The following ANKFN1 variants were observed in gnomAD, a reference collection of about 807,000 sequenced individuals.
The protein encoded by ANKFN1 is ankyrin repeat and fibronectin type-III domain-containing protein 1.
ANKFN1 carries 74 observed loss-of-function variants against 108.7 expected under a neutral mutation model. The observed-to-expected ratio is 0.68, with a 90% CI of 0.56 to 0.83. The LOEUF is 0.83. ANKFN1 is among the 40% of genes least tolerant of loss of function. The pLI is 0.00. For missense variants in ANKFN1, 1,505 were observed against 1,382.3 expected (o/e 1.09, Z -1.41); for synonymous variants, 547 against 516.2 (o/e 1.06, Z -0.81).
intron 3 of ANKFN1, among the ~76,000 whole-genome samples, chr17:56,316,150 C>T (rs9907434): frequency 0.64 from 96,999 of 152,050 alleles, 32,255 homozygotes; most frequent in East Asian, 0.94. Context: ...TTACAGTCAA[C>T]GTTTAACTGA....
chr17:56,395,063 C>T (rs1205555159), intron 8 of ANKFN1, among the ~76,000 whole-genome samples: 3 of 152,064 alleles, frequency 2.0e-5, no homozygotes, highest in Non-Finnish European at 4.4e-5. Flanking sequence ...TGGAAGGTGT[C>T]CCTTTGTGTT....
At position 56,310,886 on chromosome 17, in the gene ANKFN1, G is replaced by A. The variant is rs761027145; in HGVS notation, c.54-15335G>A. On this transcript the variant is annotated intron_variant, in intron 3 of 20. Coordinates refer to ENST00000682825, the MANE Select transcript of ANKFN1 (RefSeq NM_001370326.1). ...CTAGAACTTATTCAGCCTGTGTAAC[G>A]GAAATTTTGTAACCATTGACCAACG... Among the ~76,000 whole-genome samples the A allele has an allele frequency of 6.6e-5, 10 of 152,014 alleles. No individual in the cohort carries two copies. In the South Asian group the frequency reaches 1.0e-3, roughly 16 times the overall value.
chr17:56,446,439 T>TAA (rs917944921), intron 10 of ANKFN1, among the ~76,000 whole-genome samples: 3 of 152,206 alleles, frequency 2.0e-5, no homozygotes, highest in African/African-American at 7.2e-5. Context: ...CTGGGGGTGC[T>TAA]AAAAATGATC....
chr17:56,137,194 T>C lies in ANKFN1; in HGVS notation c.289-90723T>C, dbSNP rs73325676. 2.2e-3 allele frequency among the ~76,000 whole-genome samples: 338 copies of C among 152,250 alleles called. 1 individual carries two copies. The highest frequency in any genetic ancestry group is 7.9e-3 in the African/African-American group (329 of 41,558). On this transcript the variant is annotated intron_variant, in intron 4 of 12. Coordinates refer to the ANKFN1 transcript ENST00000635860. The stretch of plus-strand genomic sequence containing the variant: ...ATAATGGGGGAAAAAGTGAAAATCA[T>C]AGGGGATTGAAAGGGAATGAGTTTC...
chr17:56,143,696 G>A (rs1432608034), intron 4 of ANKFN1, among the ~76,000 whole-genome samples: 1 of 152,122 alleles, frequency 6.6e-6, no homozygotes, highest in East Asian at 1.9e-4. Context: ...GTTTAGCATG[G>A]GCTATAAATC....
rs555096984 is a variant in ANKFN1, at chr17:56,196,560, C to A, written c.-70-16038C>A. ...ACCAGTCTGGGAAACATAATGAGACCCCTGTCACTACAAAATTTTTAAAAA... is the reference window on the plus strand; with the variant it reads ...ACCAGTCTGGGAAACATAATGAGACACCTGTCACTACAAAATTTTTAAAAA... On this transcript the variant is annotated intron_variant, in intron 1 of 20. Coordinates refer to ENST00000682825, the MANE Select transcript of ANKFN1 (RefSeq NM_001370326.1). Among the ~76,000 whole-genome samples, 9 of 152,084 alleles carry A rather than the reference C, an allele frequency of 5.9e-5. No homozygotes were observed. In the East Asian group the frequency reaches 1.4e-3, roughly 23 times the overall value.
intron 4 of ANKFN1, among the ~76,000 whole-genome samples, chr17:56,337,997 T>C (rs1280339782): frequency 6.6e-6 from 1 of 152,136 alleles, no homozygotes; most frequent in African/African-American, 2.4e-5. Flanking sequence ...TAAAGGCACG[T>C]GCACACGTAT....
intron 11 of ANKFN1, among the ~76,000 whole-genome samples, chr17:56,451,554 A>C (rs2049488225): frequency 6.6e-6 from 1 of 152,198 alleles, no homozygotes; most frequent in African/African-American, 2.4e-5. Context: ...AATTAGAAAA[A>C]GTAATATTTC....
intron 8 of ANKFN1, among the ~76,000 whole-genome samples, chr17:56,426,477 G>A (rs1387155430): frequency 1.3e-5 from 2 of 152,190 alleles, no homozygotes; most frequent in African/African-American, 4.8e-5. Context: ...CAGTTAAGCA[G>A]ATGAGCTGGA....
intron 4 of ANKFN1, among the ~76,000 whole-genome samples, chr17:56,094,734 A>C (rs62075429): frequency 0.13 from 18,048 of 139,608 alleles, 1,777 homozygotes; most frequent in Admixed American, 0.26. Flanking sequence ...GTTGGCCAGG[A>C]TGGTCTTGAT....
chr17:56,167,316 C>CATATATATATATATAT (rs1469508922), intron 1 of ANKFN1, among the ~76,000 whole-genome samples: 4 of 75,748 alleles, frequency 5.3e-5, no homozygotes, highest in African/African-American at 2.3e-4. Context: ...CACACACACA[C>CATATATATATATATAT]ACATATATAT....
intron 14 of ANKFN1, among the ~76,000 whole-genome samples, chr17:56,462,367 G>A (rs1052508898): frequency 6.6e-6 from 1 of 152,188 alleles, no homozygotes; most frequent in African/African-American, 2.4e-5. Context: ...GGCCAAGGCG[G>A]GCAGATCACC....
chr17:56,151,370 G>T (rs1479780555), upstream of ANKFN1, among the ~76,000 whole-genome samples: 2 of 152,166 alleles, frequency 1.3e-5, no homozygotes, highest in Non-Finnish European at 2.9e-5. Flanking sequence ...ATTCCCAAAT[G>T]ATATGAATGT....
chr17:56,368,301 A>G (rs2046717885), intron 6 of ANKFN1: 1 of 52,128 alleles, frequency 1.9e-5, no homozygotes, highest in Non-Finnish European at 2.9e-5. Flanking sequence ...TTTTTTTGAG[A>G]AGGAGTCTCG....
At chr17:56,495,083 TA>T (rs780782219) in intron 19 of ANKFN1, among the ~76,000 whole-genome samples, 2 of 152,088 alleles carry the variant, frequency 1.3e-5, no homozygotes, top group African/African-American at 2.4e-5. Flanking sequence ...CCAAAGCAGG[TA>T]ACTTGAGAGC....
chr17:56,458,484 A>AC (rs113855317), intron 14 of ANKFN1, among the ~76,000 whole-genome samples: 401 of 152,290 alleles, frequency 2.6e-3, no homozygotes, highest in Middle Eastern at 0.01. Flanking sequence ...TTATAAAAAA[A>AC]AAACAAATAG....
chr17:56,128,624 G>A (rs1012282600), intron 4 of ANKFN1, among the ~76,000 whole-genome samples: 5 of 152,154 alleles, frequency 3.3e-5, no homozygotes, highest in Admixed American at 2.6e-4. Context: ...TTTCTAATGA[G>A]AGCTGGCTAT....
intron 4 of ANKFN1, among the ~76,000 whole-genome samples, chr17:56,336,633 A>T (rs904586920): frequency 1.1e-4 from 17 of 151,806 alleles, no homozygotes; most frequent in Admixed American, 6.6e-4. Flanking sequence ...GTCTTGCTAG[A>T]GGTCTATCAA....
At chr17:56,048,861 G>A (rs767880125) in intron 4 of ANKFN1, among the ~76,000 whole-genome samples, 2 of 152,176 alleles carry the variant, frequency 1.3e-5, no homozygotes, top group African/African-American at 2.4e-5. Context: ...AGAGCTAAGC[G>A]CACTTCTTGG....
Sources: allele counts gnomAD v4.1 joint callset (sites outside exome capture counted in the v4.1 genomes callset), GRCh38; gene constraint gnomAD v4.1.1; transcripts MANE v1.5; gene names NCBI Gene and HGNC (gene_info 2026-07-23, HGNC 2026-07-21).